The following FBXO15 variants were observed in gnomAD, a reference collection of about 807,000 sequenced individuals.
FBXO15 encodes the protein F-box protein 15, also known as F-box only protein 15.
A neutral mutation model predicts 49.5 loss-of-function variants in FBXO15; 30 were observed. The observed-to-expected ratio is 0.61, with a 90% CI of 0.45 to 0.82. FBXO15 has a LOEUF of 0.82. Among genes scored for constraint, FBXO15 ranks in the 40% least tolerant of loss-of-function variants. The pLI is 0.00. For missense variants in FBXO15, 591 were observed against 631.5 expected (o/e 0.94, Z 0.69); for synonymous variants, 250 against 232.7 (o/e 1.07, Z -0.68).
At chr18:74,120,934 G>A (rs1212556753) in intron 8 of FBXO15, among the ~76,000 whole-genome samples, 1 of 151,634 alleles carries the variant, frequency 6.6e-6, no homozygotes, top group East Asian at 1.9e-4. Flanking sequence ...ACACTGATCA[G>A]GAAAAAAAAG....
intron 8 of FBXO15, among the ~76,000 whole-genome samples, chr18:74,083,095 G>C: frequency 6.6e-6 from 1 of 152,308 alleles, no homozygotes; most frequent in Middle Eastern, 3.4e-3. Flanking sequence ...GAAAGAGGAC[G>C]CAGAGGCAGG....
At chr18:74,105,147 T>C (rs569975966) in intron 8 of FBXO15, among the ~76,000 whole-genome samples, 203 of 152,232 alleles carry the variant, frequency 1.3e-3, no homozygotes, top group African/African-American at 4.8e-3. Context: ...GACTAGTCAT[T>C]ACTGGAGGCA....
chr18:74,130,342 A>C (rs1014335487), intron 4 of FBXO15, 74 bp downstream of exon 4: 1 of 1,566,290 alleles, frequency 6.4e-7, no homozygotes, highest in Non-Finnish European at 8.7e-7. Flanking sequence ...CACACAATCT[A>C]AACTGCACAT....
At chr18:74,123,250 C>T (rs770393232) in intron 8 of FBXO15, 118 bp downstream of exon 8, 58 of 1,110,132 alleles carry the variant, frequency 5.2e-5, no homozygotes, top group Non-Finnish European at 7.1e-5. Flanking sequence ...TGGGAGGATA[C>T]TGGTGCCAAA....
In FBXO15 at chr18:74,123,377, T is replaced by A; in HGVS notation, c.1129A>T (p.Thr377Ser). 1.2e-6 allele frequency: 2 copies of A among 1,605,258 alleles called. No homozygotes were observed. The highest frequency in any genetic ancestry group is 1.7e-6 in the Non-Finnish European group (2 of 1,178,030). Reference sequence around the variant, plus strand: ...ACTCAATCAATTTCACCTCTCTTGGTGAAGAGATTGCGAAATGTACCACAT... The same window carrying A: ...ACTCAATCAATTTCACCTCTCTTGGAGAAGAGATTGCGAAATGTACCACAT... ...YLCGTFRNLF[T>S]KRGNIENGHV... Residue 377 changes from threonine (T) to serine (S), a missense_variant, in exon 8 of 10, where the codon ACC becomes TCC. Physicochemically the swap from Thr to Ser is moderately conservative, Grantham distance 58. Coordinates refer to ENST00000419743, the MANE Select transcript of FBXO15 (RefSeq NM_001142958.2).
chr18:74,104,278 A>AC (rs1376253292), intron 8 of FBXO15, among the ~76,000 whole-genome samples: 5 of 152,090 alleles, frequency 3.3e-5, no homozygotes, highest in African/African-American at 1.2e-4. Context: ...GAATGAAAAA[A>AC]CCTATTAATA....
chr18:74,147,466 A>C, intron 1 of FBXO15: 29 of 1,175,258 alleles, frequency 2.5e-5, no homozygotes, highest in East Asian at 7.0e-5. Flanking sequence ...CCGAGAGGCT[A>C]CTCTATTTGT....
At chr18:74,135,902 A>G (rs1206680701) in intron 2 of FBXO15, 36 bp from the exon 3 acceptor site, 1 of 1,548,516 alleles carries the variant, frequency 6.5e-7, no homozygotes, top group South Asian at 1.2e-5. Context: ...AAATCACCAG[A>G]GTGGACCAGG....
chr18:74,085,742 AACTGGACATCCAC>A (rs1912709252), intron 8 of FBXO15, among the ~76,000 whole-genome samples: 1 of 152,232 alleles, frequency 6.6e-6, no homozygotes, highest in South Asian at 2.1e-4. Context: ...GTACAAAAAC[AACTGGACATCCAC>A]ACTGGGAAAG....
intron 8 of FBXO15, among the ~76,000 whole-genome samples, chr18:74,090,647 C>A (rs1458968719): frequency 1.3e-5 from 2 of 151,584 alleles, no homozygotes; most frequent in Non-Finnish European, 3.0e-5. Context: ...ATTTCTGCCT[C>A]AATCATTTCC....
chr18:74,075,813 C>G lies in FBXO15; in HGVS notation c.1264-2083G>C, dbSNP rs1912234918. Among the ~76,000 whole-genome samples, 1 of 152,206 alleles carries G rather than the reference C, an allele frequency of 6.6e-6. No homozygotes were observed. Among genetic ancestry groups the G allele is most frequent in the African/African-American group, 2.4e-5 (1 of 41,454 alleles). Reference sequence around the variant, plus strand: ...ACTCCCATTGCTGAGGTTCCTACAGCTTGGTCCTAGGCCCTATTTTCACTC... The same window carrying G: ...ACTCCCATTGCTGAGGTTCCTACAGGTTGGTCCTAGGCCCTATTTTCACTC... On this transcript the variant is annotated intron_variant, in intron 9 of 9. Transcript: ENST00000419743. The surrounding 1 kb of genome is among the most constrained non-coding windows in gnomAD (Gnocchi z 4.1).
rs928221584 is a variant in FBXO15, at chr18:74,126,036, C to T, written c.851G>A (p.Gly284Asp). The change falls in exon 6 of 10, where the codon GGC becomes GAC. Residue 284 changes from glycine (G) to aspartate (D), a missense_variant. Physicochemically the swap from Gly to Asp is moderately conservative, Grantham distance 94 (BLOSUM62 -1). Transcript: ENST00000419743. ...LSHLTISTMIGCDRLIRIFCL... is the reference protein window; with the variant it reads ...LSHLTISTMIDCDRLIRIFCL... Reference sequence around the variant, plus strand: ...GAAGATCCGAATGAGTCTGTCACAGCCAATCATGGTAGATATGGTCAAATG... The same window carrying T: ...GAAGATCCGAATGAGTCTGTCACAGTCAATCATGGTAGATATGGTCAAATG... 1.2e-6 allele frequency: 2 copies of T among 1,613,868 alleles called. No individual in the cohort carries two copies. Among genetic ancestry groups the T allele is most frequent in the Non-Finnish European group, 1.7e-6 (2 of 1,179,972 alleles).
At chr18:74,145,803 T>G (rs1172594716) in intron 1 of FBXO15, among the ~76,000 whole-genome samples, 1 of 152,068 alleles carries the variant, frequency 6.6e-6, no homozygotes, top group Non-Finnish European at 1.5e-5. Flanking sequence ...TTTCACAGTG[T>G]TAGCCAGGAT....
At chr18:74,135,402 G>A (rs537497897) in intron 3 of FBXO15, among the ~76,000 whole-genome samples, 19 of 152,272 alleles carry the variant, frequency 1.2e-4, no homozygotes, top group South Asian at 1.2e-3. Flanking sequence ...TCTGCTCTGC[G>A]AATGCACGGC....
intron 8 of FBXO15, among the ~76,000 whole-genome samples, chr18:74,100,991 G>A (rs1369359087): frequency 6.6e-6 from 1 of 151,894 alleles, no homozygotes; most frequent in Non-Finnish European, 1.5e-5. Flanking sequence ...CAAAGAATTG[G>A]TACCAATCCT....
At chr18:74,092,039 C>T (rs1047528526) in intron 8 of FBXO15, among the ~76,000 whole-genome samples, 3 of 152,154 alleles carry the variant, frequency 2.0e-5, no homozygotes, top group Non-Finnish European at 4.4e-5. Flanking sequence ...GATTTGGTCT[C>T]TTTAATCCCA....
chr18:74,139,908 C>T (rs1012417220), intron 2 of FBXO15, among the ~76,000 whole-genome samples: 2 of 152,114 alleles, frequency 1.3e-5, no homozygotes, highest in Non-Finnish European at 1.5e-5. Context: ...TTTCTTTCTC[C>T]TTTTTCAAGG....
At position 74,120,896 on chromosome 18, in the gene FBXO15, G is replaced by T. The variant is rs563231376; in HGVS notation, c.1138+2472C>A. On this transcript the variant is annotated intron_variant, in intron 8 of 9. Transcript: ENST00000419743. ...AAACCAAAAGTTAGGTATCTGAGAA[G>T]ATGAATAAAATTGATAAACTTCCAG... is the stretch of plus-strand genomic sequence containing the variant. Among the ~76,000 whole-genome samples the T allele has an allele frequency of 2.2e-3, 331 of 151,850 alleles. 1 individual carries two copies. Among genetic ancestry groups the T allele is most frequent in the African/African-American group, 7.5e-3 (310 of 41,450 alleles).
intron 5 of FBXO15, 112 bp downstream of exon 5, chr18:74,129,291 AAT>A: frequency 1.2e-6 from 1 of 842,336 alleles, no homozygotes; most frequent in East Asian, 2.7e-5. Flanking sequence ...ATGTACATTT[AAT>A]ATGTGATAAA....
Sources: allele counts gnomAD v4.1 joint callset (sites outside exome capture counted in the v4.1 genomes callset), GRCh38; gene constraint gnomAD v4.1.1; non-coding constraint Gnocchi (gnomAD v3.1); transcripts MANE v1.5; gene names NCBI Gene and HGNC (gene_info 2026-07-23, HGNC 2026-07-21).